Variants in CADM2 observed in about 807,000 individuals in gnomAD.
CADM2 encodes the protein cell adhesion molecule 2, also known as immunoglobulin superfamily member 4D.
In CADM2, 12 loss-of-function variants were observed where a neutral mutation model predicts 49.8. The observed-to-expected ratio is 0.24, with a 90% CI of 0.15 to 0.39. The LOEUF (loss-of-function observed/expected upper bound fraction) is 0.39, where lower values mean the gene tolerates loss of function less well. Among genes scored for constraint, CADM2 ranks in the 10% least tolerant of loss-of-function variants. The pLI, the probability that CADM2 is intolerant of heterozygous loss-of-function variation, is 1.00. For synonymous variants in CADM2, 214 were observed against 175.4 expected (o/e 1.22, Z -1.74); for missense variants, 378 against 492.3 (o/e 0.77, Z 2.20).
intron 8 of CADM2, 63 bp from the exon 9 acceptor site, chr3:86,065,542 C>A: frequency 1.3e-6 from 2 of 1,484,064 alleles, no homozygotes; most frequent in Non-Finnish European, 1.8e-6. Context: ...CATTCTAATG[C>A]AGTTATGTAT....
At chr3:85,631,948 A>C (rs1321152741) in intron 1 of CADM2, among the ~76,000 whole-genome samples, 6 of 152,136 alleles carry the variant, frequency 3.9e-5, no homozygotes, top group Non-Finnish European at 7.4e-5. Context: ...ACTGGAGCTT[A>C]GTCCTTTAGT....
chr3:85,372,163 C>T (rs1326014550), intron 1 of CADM2, among the ~76,000 whole-genome samples: 4 of 151,888 alleles, frequency 2.6e-5, no homozygotes, highest in Non-Finnish European at 5.9e-5. Context: ...CACTGAAACC[C>T]TCCAAGATAT....
intron 1 of CADM2, among the ~76,000 whole-genome samples, chr3:85,457,232 G>A (rs747768480): frequency 6.6e-5 from 10 of 151,982 alleles, no homozygotes; most frequent in Non-Finnish European, 1.5e-4. Flanking sequence ...GGGCAACATG[G>A]CAAAACACCA....
At chr3:85,798,156 T>G (rs368240167) in intron 2 of CADM2, among the ~76,000 whole-genome samples, 1 of 152,188 alleles carries the variant, frequency 6.6e-6, no homozygotes, top group African/African-American at 2.4e-5. Context: ...TCCTGGTAGA[T>G]TCAGGATATT....
chr3:85,753,954 T>A (rs563483097), intron 2 of CADM2, among the ~76,000 whole-genome samples: 1 of 152,230 alleles, frequency 6.6e-6, no homozygotes, highest in African/African-American at 2.4e-5. Flanking sequence ...GACCTTTGAC[T>A]TGGGGTTTTA....
At chr3:85,486,100 T>C (rs1340797624) in intron 1 of CADM2, among the ~76,000 whole-genome samples, 3 of 152,146 alleles carry the variant, frequency 2.0e-5, no homozygotes, top group African/African-American at 4.8e-5. Flanking sequence ...CATTTGCTCC[T>C]CAGCGAAACA....
chr3:85,885,346 G>A (rs930049799), intron 4 of CADM2, among the ~76,000 whole-genome samples: 2 of 147,602 alleles, frequency 1.4e-5, no homozygotes, highest in African/African-American at 5.0e-5. Flanking sequence ...AGACCAGCCC[G>A]GCCAACATGA....
At chr3:85,066,185 G>C (rs2107459634) in intron 1 of CADM2, among the ~76,000 whole-genome samples, 1 of 152,154 alleles carries the variant, frequency 6.6e-6, no homozygotes, top group East Asian at 1.9e-4. Context: ...AATTTTGAAT[G>C]CTGGGAGACA....
intron 1 of CADM2, among the ~76,000 whole-genome samples, chr3:85,352,366 A>G (rs140978009): frequency 2.0e-5 from 3 of 152,298 alleles, no homozygotes; most frequent in African/African-American, 7.2e-5. Flanking sequence ...GCCAAATAAA[A>G]ACAAAGAAAA....
chr3:85,084,227 G>A (rs2037287494), intron 1 of CADM2, among the ~76,000 whole-genome samples: 1 of 152,098 alleles, frequency 6.6e-6, no homozygotes, highest in Non-Finnish European at 1.5e-5. Flanking sequence ...ATAATTCTTT[G>A]AAGTATTTCT....
At chr3:85,404,676 G>C (rs2035288729) in intron 1 of CADM2, among the ~76,000 whole-genome samples, 1 of 152,088 alleles carries the variant, frequency 6.6e-6, no homozygotes, top group Admixed American at 6.6e-5. Flanking sequence ...AAATATAGAA[G>C]TATTGATAAA....
At chr3:85,712,727 T>C (rs957282974) in intron 1 of CADM2, among the ~76,000 whole-genome samples, 4 of 119,350 alleles carry the variant, frequency 3.4e-5, no homozygotes, top group Non-Finnish European at 5.2e-5. Context: ...GTTCAGATCA[T>C]GTTAAGCTTT....
chr3:85,567,090 A>G (rs1230358544), intron 1 of CADM2, among the ~76,000 whole-genome samples: 1 of 152,148 alleles, frequency 6.6e-6, no homozygotes, highest in Non-Finnish European at 1.5e-5. Context: ...CTGAGCTTCA[A>G]TTTCTGTATT....
chr3:85,844,011 A>T (rs1017723673), intron 3 of CADM2, among the ~76,000 whole-genome samples: 3 of 152,014 alleles, frequency 2.0e-5, no homozygotes, highest in Non-Finnish European at 4.4e-5. Flanking sequence ...GGCTTTACGG[A>T]TCGGTCCCAG....
rs528036073 is a variant in CADM2 at position 85,273,096 on chromosome 3, GA to G, written c.61+313437del. 2.1e-4 allele frequency among the ~76,000 whole-genome samples: 32 copies of G among 149,396 alleles called. No individual in the cohort carries two copies. The East Asian group carries it at 2.6e-3, about 12-fold the overall frequency. ...AGGAGTGAATAACATGAATACTGGG[GA>G]AAAAAAAAGGTGTAGTCAGGGAAAA... On this transcript the variant is annotated intron_variant, in intron 1 of 9. Coordinates refer to ENST00000383699, the MANE Select transcript of CADM2 (RefSeq NM_001167675.2).
intron 1 of CADM2, among the ~76,000 whole-genome samples, chr3:85,673,176 C>G (rs1314985812): frequency 1.3e-5 from 2 of 152,120 alleles, no homozygotes; most frequent in African/African-American, 4.8e-5. Flanking sequence ...CCAAAAAAGC[C>G]CTCTGCCTGT....
chr3:85,452,414 G>T (rs991105277), intron 1 of CADM2, among the ~76,000 whole-genome samples: 2 of 152,044 alleles, frequency 1.3e-5, no homozygotes, highest in African/African-American at 2.4e-5. Flanking sequence ...AGTCTGCCTT[G>T]AAGAAACACT....
At chr3:86,056,567 G>C (rs1350396491) in intron 8 of CADM2, among the ~76,000 whole-genome samples, 2 of 152,208 alleles carry the variant, frequency 1.3e-5, no homozygotes, top group African/African-American at 4.8e-5. Flanking sequence ...AGGATGAGCA[G>C]ATCAGATCAC....
At chr3:85,584,684 C>A (rs569865317) in intron 1 of CADM2, among the ~76,000 whole-genome samples, 1 of 151,986 alleles carries the variant, frequency 6.6e-6, no homozygotes. Context: ...GATATTGGAA[C>A]GTGCATTGTC....
Sources: allele counts gnomAD v4.1 joint callset (sites outside exome capture counted in the v4.1 genomes callset), GRCh38; gene constraint gnomAD v4.1.1; transcripts MANE v1.5; gene names NCBI Gene and HGNC (gene_info 2026-07-23, HGNC 2026-07-21).